Variants in STK39 observed in about 807,000 individuals in gnomAD.
STK39 encodes the protein serine/threonine kinase 39.
STK39 carries 20 observed loss-of-function variants against 77.8 expected under a neutral mutation model. The ratio of observed to expected loss-of-function variants is 0.26; its 90% confidence interval spans 0.18 to 0.37. The LOEUF (loss-of-function observed/expected upper bound fraction) is 0.37. Among genes scored for constraint, STK39 ranks in the 10% least tolerant of loss-of-function variants. The probability of loss-of-function intolerance (pLI) is 1.00; values close to 1 mark genes in which losing one functional copy is unlikely to be tolerated. For missense variants in STK39, 479 were observed against 656.5 expected (o/e 0.73, Z 2.95); for synonymous variants, 246 against 234.1 (o/e 1.05, Z -0.47).
intron 14 of STK39, among the ~76,000 whole-genome samples, chr2:168,061,238 A>G (rs1206037789): frequency 7.0e-6 from 1 of 143,416 alleles, no homozygotes; most frequent in Non-Finnish European, 1.5e-5. Context: ...TAGAGTGTGG[A>G]TTACAAAAAA....
chr2:168,091,150 GCA>G (rs71927823), intron 10 of STK39, among the ~76,000 whole-genome samples: 45,183 of 147,384 alleles, frequency 0.31, 6,964 homozygotes, highest in Admixed American at 0.36. Context: ...ACAAACAGGT[GCA>G]CACACACACA....
At chr2:167,983,092 G>A (rs1283680716) in intron 16 of STK39, among the ~76,000 whole-genome samples, 3 of 152,150 alleles carry the variant, frequency 2.0e-5, no homozygotes, top group African/African-American at 7.2e-5. Context: ...TATTTTTGTT[G>A]AGGATAATAT....
chr2:168,041,905 G>A (rs1464200950), intron 14 of STK39, among the ~76,000 whole-genome samples: 1 of 152,064 alleles, frequency 6.6e-6, no homozygotes, highest in Non-Finnish European at 1.5e-5. Context: ...TGCAACAGTA[G>A]GTCAAGCTCT....
At chr2:168,114,413 A>G (rs1004502554) in intron 10 of STK39, among the ~76,000 whole-genome samples, 1 of 152,144 alleles carries the variant, frequency 6.6e-6, no homozygotes, top group South Asian at 2.1e-4. Flanking sequence ...AAGGGAGAAG[A>G]AGGCAAAAAA....
Position 168,001,188 on chromosome 2 carries a change from T to C in STK39, c.1498+11446A>G, listed in dbSNP as rs115194795. On this transcript the variant is annotated intron_variant, in intron 16 of 17. Transcript: ENST00000355999. ...GTATAGTGGGTGATTCTGAAAAACA[T>C]TAGCCCAAGAACAAAATTGGAAAAT... 4.8e-3 allele frequency among the ~76,000 whole-genome samples: 735 copies of C among 151,734 alleles called. 1 individual carries two copies. Among genetic ancestry groups the C allele is most frequent in the Non-Finnish European group, 8.6e-3 (587 of 67,952 alleles).
At chr2:168,230,580 T>C (rs7584694) in intron 1 of STK39, among the ~76,000 whole-genome samples, 19,663 of 152,196 alleles carry the variant, frequency 0.13, 2,244 homozygotes, top group East Asian at 0.34. Context: ...GCAAGTACAA[T>C]GGTCCTTACC....
intron 14 of STK39, among the ~76,000 whole-genome samples, chr2:168,020,037 G>A (rs1231939039): frequency 6.6e-6 from 1 of 152,076 alleles, no homozygotes; most frequent in African/African-American, 2.4e-5. Flanking sequence ...CGTCACCACT[G>A]CACATTTACA....
chr2:168,118,760 G>GA (rs1392776825), intron 10 of STK39, among the ~76,000 whole-genome samples: 1 of 152,008 alleles, frequency 6.6e-6, no homozygotes, highest in African/African-American at 2.4e-5. Flanking sequence ...AGAGCAAAAG[G>GA]AAAAAATCTA....
intron 10 of STK39, among the ~76,000 whole-genome samples, chr2:168,086,670 T>G (rs553886202): frequency 6.6e-6 from 1 of 152,228 alleles, no homozygotes; most frequent in East Asian, 1.9e-4. Flanking sequence ...GACACATTTA[T>G]AGCAACTTCC....
At chr2:168,160,959 C>T (rs1368168489) in intron 5 of STK39, among the ~76,000 whole-genome samples, 1 of 151,830 alleles carries the variant, frequency 6.6e-6, no homozygotes, top group Non-Finnish European at 1.5e-5. Context: ...TGGGGGGCAG[C>T]AGATGAATCA....
At chr2:168,099,869 G>A (rs1450944298) in intron 10 of STK39, among the ~76,000 whole-genome samples, 2 of 152,116 alleles carry the variant, frequency 1.3e-5, no homozygotes, top group Non-Finnish European at 2.9e-5. Flanking sequence ...TAGCAACAAT[G>A]CAATTTCAAA....
chr2:168,207,788 G>A (rs1177204337), intron 1 of STK39, among the ~76,000 whole-genome samples: 1 of 70,966 alleles, frequency 1.4e-5, no homozygotes, highest in East Asian at 6.6e-4. Flanking sequence ...ATTTAGCCTC[G>A]TGTTACAGAT....
chr2:168,247,349 C>CGCCGGG lies in STK39; in HGVS notation c.81_86dup (p.Pro28_Ala29dup). ...CCGGGGCCGGCGCTGCTGTCGCGGC[C>CGCCGGG]GCCGGGGCCGCCGCCGCCGCCGCTG... is the stretch of plus-strand genomic sequence containing the variant. On this transcript the variant is annotated inframe_insertion, in exon 1 of 18. Coordinates refer to ENST00000355999, the MANE Select transcript of STK39 (RefSeq NM_013233.3). 1 of 1,049,276 alleles carries CGCCGGG rather than the reference C, an allele frequency of 9.5e-7. No individual in the cohort carries two copies. The highest frequency in any genetic ancestry group is 1.1e-6 in the Non-Finnish European group (1 of 869,642). 65.0% of individuals were successfully genotyped at this position (1,049,276 alleles called of 1,614,324 possible). A position where few individuals can be genotyped will look rare whatever the true frequency, so the allele number is the denominator to read the frequency against.
At chr2:168,185,757 A>G (rs1395966707) in intron 1 of STK39, among the ~76,000 whole-genome samples, 2 of 152,222 alleles carry the variant, frequency 1.3e-5, no homozygotes, top group African/African-American at 4.8e-5. Flanking sequence ...GACTCACACA[A>G]TAACTTCCTC....
At chr2:168,043,027 T>A (rs962416120) in intron 14 of STK39, among the ~76,000 whole-genome samples, 2 of 151,868 alleles carry the variant, frequency 1.3e-5, no homozygotes, top group African/African-American at 4.8e-5. Context: ...TTAATCTGAG[T>A]TTTTAGGTCC....
chr2:167,964,638 T>C, intron 17 of STK39, 24 bp downstream of exon 17: 1 of 1,595,122 alleles, frequency 6.3e-7, no homozygotes, highest in Non-Finnish European at 8.6e-7. Context: ...TATTACCTCC[T>C]TCTTTCCATA....
At chr2:168,170,216 T>A (rs113235713) in intron 2 of STK39, among the ~76,000 whole-genome samples, 2 of 152,176 alleles carry the variant, frequency 1.3e-5, no homozygotes, top group African/African-American at 4.8e-5. Context: ...ATTTGAAAGC[T>A]CCCTTGGTAA....
intron 16 of STK39, among the ~76,000 whole-genome samples, chr2:168,001,829 C>A (rs530560876): frequency 2.0e-4 from 31 of 152,258 alleles, no homozygotes; most frequent in Non-Finnish European, 3.2e-4. Flanking sequence ...AACAAAAGAG[C>A]CATTTAATTT....
Position 168,048,101 on chromosome 2 carries a change from A to C in STK39, c.1376+15399T>G, listed in dbSNP as rs562036415. Among the ~76,000 whole-genome samples the C allele has an allele frequency of 6.0e-4, 90 of 150,262 alleles. 1 individual carries two copies. The highest frequency in any genetic ancestry group is 3.4e-3 in the Middle Eastern group (1 of 292). ...CCAGAGGGTGAAAGCTCAGGAGATA[A>C]TCTCTAGTTATTCCATGCAGCCAAA... On this transcript the variant is annotated intron_variant, in intron 14 of 17. Coordinates refer to ENST00000355999, the MANE Select transcript of STK39 (RefSeq NM_013233.3).
Sources: gnomAD v4.1 joint callset for allele counts (sites outside exome capture counted in the v4.1 genomes callset) on GRCh38, gnomAD v4.1.1 for gene constraint, MANE v1.5 for transcripts, NCBI Gene and HGNC (gene_info 2026-07-23, HGNC 2026-07-21) for gene names.